The following WNT7B variants were observed in gnomAD, a reference collection of about 807,000 sequenced individuals.
WNT7B encodes the protein protein Wnt-7b.
In WNT7B, 19 loss-of-function variants were observed where a neutral mutation model predicts 38.2. The ratio of observed to expected loss-of-function variants is 0.50; its 90% CI spans 0.35 to 0.73. The LOEUF (loss-of-function observed/expected upper bound fraction) is 0.73. Among genes scored for constraint, WNT7B ranks in the 30% least tolerant of loss-of-function variants. WNT7B has a pLI of 0.01. For synonymous variants in WNT7B, 243 were observed against 209.3 expected, an observed-to-expected ratio of 1.16 and a Z score of -1.39; for missense variants, 423 against 507.9, an observed-to-expected ratio of 0.83 and a Z score of 1.61.
chr22:45,925,778 C>A (rs1931064113), intron 3 of WNT7B: 1 of 985,300 alleles, frequency 1.0e-6, no homozygotes, highest in African/African-American at 1.7e-5. Context: ...TCTCGGAGTT[C>A]CCAGCCGGGA....
At chr22:45,943,907 C>T (rs1372684313) in intron 2 of WNT7B, among the ~76,000 whole-genome samples, 5 of 152,166 alleles carry the variant, frequency 3.3e-5, no homozygotes, top group Non-Finnish European at 1.5e-5. Context: ...CCTACCCACC[C>T]CGGGGTCTGT....
At chr22:45,972,117 C>A (rs780462067) in intron 1 of WNT7B, 14 of 246,064 alleles carry the variant, frequency 5.7e-5, no homozygotes, top group Admixed American at 2.0e-4. Flanking sequence ...CCGGGGGGAG[C>A]CCACCCGCCC....
At chr22:45,943,883 G>T (rs931084695) in intron 2 of WNT7B, among the ~76,000 whole-genome samples, 1 of 152,232 alleles carries the variant, frequency 6.6e-6, no homozygotes, top group Admixed American at 6.5e-5. Context: ...CCCCTGTGAG[G>T]CCGAGGGAGG....
At chr22:45,974,812 C>G (rs984834435) in intron 1 of WNT7B, among the ~76,000 whole-genome samples, 37 of 152,236 alleles carry the variant, frequency 2.4e-4, no homozygotes, top group African/African-American at 8.7e-4. Flanking sequence ...CAGACACTGG[C>G]CACCATCCTG....
rs1471501764 is a variant in WNT7B, at chr22:45,943,252, C to G, written c.298+6668G>C. ...GCCCCACCCGGACCCCACCCGGGCT[C>G]GGGCTGAGTCAGCGTCTCCACACTA... On this transcript the variant is annotated intron_variant, in intron 2 of 3. Coordinates refer to ENST00000339464, the MANE Select transcript of WNT7B (RefSeq NM_058238.3). Among the ~76,000 whole-genome samples, 3 of 152,242 alleles carry G rather than the reference C, an allele frequency of 2.0e-5. No individual in the cohort carries two copies. In the East Asian group the frequency reaches 5.8e-4, roughly 29 times the overall value.
At chr22:45,942,758 G>A (rs1415311930) in intron 2 of WNT7B, among the ~76,000 whole-genome samples, 1 of 152,236 alleles carries the variant, frequency 6.6e-6, no homozygotes, top group African/African-American at 2.4e-5. Flanking sequence ...TAAAAGTGCT[G>A]GATGCGTCTG....
rs1283962752 is a variant in WNT7B at position 45,975,762 on chromosome 22, G to A, written c.71+922C>T. The A allele has an allele frequency of 1.1e-5, 4 of 372,184 alleles. No homozygotes were observed. The highest frequency in any genetic ancestry group is 1.9e-5 in the Non-Finnish European group (4 of 208,938). 23.1% of individuals were successfully genotyped at this position (372,184 alleles called of 1,614,324 possible). ...AGGCGCGCAGGGCGCGGCGGGGCCCGGGTCCCCGCAGGTGCGAGGAGCGCG... is the reference window on the plus strand; with the variant it reads ...AGGCGCGCAGGGCGCGGCGGGGCCCAGGTCCCCGCAGGTGCGAGGAGCGCG... On this transcript the variant is annotated intron_variant, in intron 1 of 3. Coordinates refer to ENST00000339464, the MANE Select transcript of WNT7B (RefSeq NM_058238.3). The surrounding 1 kb of genome is among the most constrained non-coding windows in gnomAD (Gnocchi z 6.6).
At chr22:45,967,326 C>T (rs1932334611) in intron 1 of WNT7B, among the ~76,000 whole-genome samples, 1 of 152,256 alleles carries the variant, frequency 6.6e-6, no homozygotes, top group African/African-American at 2.4e-5. Flanking sequence ...CCATCTGAGC[C>T]GGACCCAAGG....
chr22:45,972,116 G>GGGGGGGCCCCC, intron 1 of WNT7B: 3 of 530,744 alleles, frequency 5.7e-6, no homozygotes, highest in East Asian at 3.7e-5. Flanking sequence ...CCCGGGGGGA[G>GGGGGGGCCCCC]CCCACCCGCC....
chr22:45,959,951 C>G (rs529913856), intron 1 of WNT7B, among the ~76,000 whole-genome samples: 1 of 152,200 alleles, frequency 6.6e-6, no homozygotes, highest in African/African-American at 2.4e-5. Flanking sequence ...GAAGCGGGAA[C>G]CCTGGGGCCA....
intron 3 of WNT7B, chr22:45,925,825 G>A: frequency 4.1e-6 from 4 of 985,440 alleles, no homozygotes; most frequent in Non-Finnish European, 4.8e-6. Context: ...ACCCTCCTCA[G>A]ATGGGCCTGG....
intron 2 of WNT7B, among the ~76,000 whole-genome samples, chr22:45,942,855 C>CTG (rs71190685): frequency 0.32 from 48,120 of 150,972 alleles, 9,563 homozygotes; most frequent in Non-Finnish European, 0.43. Flanking sequence ...TGAGTGGGTG[C>CTG]TGTGTGTGTG....
At chr22:45,972,015 T>G in intron 1 of WNT7B, 1 of 450,780 alleles carries the variant, frequency 2.2e-6, no homozygotes, top group Non-Finnish European at 3.9e-6. Context: ...CGACCTAAAG[T>G]CCCCCGGCTC....
intron 2 of WNT7B, chr22:45,936,053 C>T (rs908372492): frequency 6.1e-6 from 6 of 985,266 alleles, no homozygotes; most frequent in Non-Finnish European, 7.2e-6. Context: ...CTAGAAAATG[C>T]CAGAGCAGAC....
chr22:45,943,266 G>A (rs749723478), intron 2 of WNT7B, among the ~76,000 whole-genome samples: 3 of 152,198 alleles, frequency 2.0e-5, no homozygotes, highest in Non-Finnish European at 2.9e-5. Context: ...CTGAGTCAGC[G>A]TCTCCACACT....
intron 3 of WNT7B, among the ~76,000 whole-genome samples, chr22:45,928,682 TCCAAGTCCCACA>T (rs1028596633): frequency 6.7e-6 from 1 of 150,236 alleles, no homozygotes; most frequent in African/African-American, 2.5e-5. Flanking sequence ...ACCAGACACC[TCCAAGTCCCACA>T]CCAAGTCAGC....
At chr22:45,937,363 A>G (rs1284903366) in intron 2 of WNT7B, among the ~76,000 whole-genome samples, 1 of 152,202 alleles carries the variant, frequency 6.6e-6, no homozygotes, top group Non-Finnish European at 1.5e-5. Context: ...TGGCCAGCTG[A>G]GTGACCTCAG....
rs1488039235 is a variant in WNT7B at position 45,977,030 on chromosome 22, C to T, written c.-276G>A. 3.0e-6 allele frequency: 3 copies of T among 985,010 alleles called. No homozygotes were observed. The highest frequency in any genetic ancestry group is 3.6e-6 in the Non-Finnish European group (3 of 830,064). 61.0% of individuals were successfully genotyped at this position (985,010 alleles called of 1,614,324 possible). On this transcript the variant is annotated 5_prime_UTR_variant, in exon 1 of 4. Transcript: ENST00000339464. ...GAGCGACCGTGGACCCCTGCAAGCGCGGGCCGGGGGCCCGGGCGCGGCTGG... is the reference window on the plus strand; with the variant it reads ...GAGCGACCGTGGACCCCTGCAAGCGTGGGCCGGGGGCCCGGGCGCGGCTGG...
chr22:45,944,968 C>T lies in WNT7B; in HGVS notation c.298+4952G>A, dbSNP rs558307636. Among the ~76,000 whole-genome samples, 29 of 152,350 alleles carry T rather than the reference C, an allele frequency of 1.9e-4. No homozygotes were observed. In the East Asian group the frequency reaches 4.4e-3, roughly 23 times the overall value. On this transcript the variant is annotated intron_variant, in intron 2 of 3. Coordinates refer to ENST00000339464, the MANE Select transcript of WNT7B (RefSeq NM_058238.3). ...CCCTGACCAGATGACTTTGGGCCAC[C>T]CCCTCCTGTCCCCTATGGGTGCAGC...
Sources: gnomAD v4.1 joint callset for allele counts (sites outside exome capture counted in the v4.1 genomes callset) on GRCh38, gnomAD v4.1.1 for gene constraint, Gnocchi (gnomAD v3.1) non-coding constraint, MANE v1.5 for transcripts, NCBI Gene and HGNC (gene_info 2026-07-23, HGNC 2026-07-21) for gene names.